The following RETREG1 variants were observed in gnomAD, a reference collection of about 807,000 sequenced individuals.
The protein encoded by RETREG1 is reticulophagy regulator 1.
A neutral mutation model predicts 54.8 loss-of-function variants in RETREG1; 44 were observed. The ratio of observed to expected loss-of-function variants is 0.80; its 90% confidence interval spans 0.63 to 1.03. RETREG1 has a LOEUF of 1.03. RETREG1 is among the 50% of genes least tolerant of loss of function. RETREG1 has a pLI of 0.00. For synonymous variants in RETREG1, 217 were observed against 238.5 expected, an observed-to-expected ratio of 0.91 and a Z score of 0.83; for missense variants, 554 against 605.1, an observed-to-expected ratio of 0.92 and a Z score of 0.89.
At chr5:16,514,896 C>T (rs937943542) in intron 3 of RETREG1, among the ~76,000 whole-genome samples, 4 of 82,906 alleles carry the variant, frequency 4.8e-5, no homozygotes, top group Non-Finnish European at 8.0e-5. Context: ...TATTCCATGG[C>T]ATGCATATAT....
intron 3 of RETREG1, among the ~76,000 whole-genome samples, chr5:16,514,850 A>G (rs1740294547): frequency 1.3e-5 from 2 of 150,854 alleles, no homozygotes; most frequent in African/African-American, 4.9e-5. Context: ...GGTTGCTGCG[A>G]ATGCCATTAT....
intron 4 of RETREG1, among the ~76,000 whole-genome samples, chr5:16,482,430 C>A (rs1738816420): frequency 1.3e-5 from 2 of 149,762 alleles, no homozygotes; most frequent in African/African-American, 2.5e-5. Flanking sequence ...CATCATGCCC[C>A]AAATATAGGT....
chr5:16,510,715 G>A (rs753509207), intron 3 of RETREG1, among the ~76,000 whole-genome samples: 3 of 151,338 alleles, frequency 2.0e-5, no homozygotes, highest in Non-Finnish European at 4.4e-5. Context: ...ACTTGAGCCT[G>A]GGAGGCGGAG....
chr5:16,546,795 A>G (rs1343592454), intron 3 of RETREG1, among the ~76,000 whole-genome samples: 1 of 152,144 alleles, frequency 6.6e-6, no homozygotes, highest in Non-Finnish European at 1.5e-5. Flanking sequence ...ATCACCATGG[A>G]CTTGTTCCCT....
chr5:16,518,014 T>G (rs1029731140), intron 3 of RETREG1, among the ~76,000 whole-genome samples: 1 of 150,996 alleles, frequency 6.6e-6, no homozygotes, highest in African/African-American at 2.4e-5. Flanking sequence ...AGAGAAAGAA[T>G]AGAAATCAAA....
At chr5:16,589,905 AC>A (rs1257487254) in intron 1 of RETREG1, among the ~76,000 whole-genome samples, 10 of 152,170 alleles carry the variant, frequency 6.6e-5, no homozygotes, top group African/African-American at 2.4e-4. Context: ...AAGGCCAGAG[AC>A]TGTATTGTGT....
Position 16,542,407 on chromosome 5 carries a change from C to T in RETREG1, c.458+23356G>A, listed in dbSNP as rs569134896. 9.2e-5 allele frequency among the ~76,000 whole-genome samples: 14 copies of T among 152,330 alleles called. No homozygotes were observed. In the South Asian group the frequency reaches 2.1e-3, roughly 23 times the overall value. On this transcript the variant is annotated intron_variant, in intron 3 of 8. Coordinates refer to ENST00000306320, the MANE Select transcript of RETREG1 (RefSeq NM_001034850.3). Reference sequence around the variant, plus strand: ...AGCAGGTGACAGGGCTTTTGAAAAACGGAAGACAGTCATAGACTGTCAATA... The same window carrying T: ...AGCAGGTGACAGGGCTTTTGAAAAATGGAAGACAGTCATAGACTGTCAATA...
intron 3 of RETREG1, among the ~76,000 whole-genome samples, chr5:16,564,795 C>A (rs1344520506): frequency 1.3e-5 from 2 of 152,182 alleles, no homozygotes; most frequent in Non-Finnish European, 2.9e-5. Flanking sequence ...AATGAAGGAA[C>A]AAGCAAGCAG....
At chr5:16,500,217 C>T (rs537839622) in intron 3 of RETREG1, among the ~76,000 whole-genome samples, 3 of 152,238 alleles carry the variant, frequency 2.0e-5, no homozygotes, top group Non-Finnish European at 4.4e-5. Flanking sequence ...ATTCCCTACA[C>T]CACCGTTGCC....
chr5:16,573,735 G>T lies in RETREG1; in HGVS notation c.321-1633C>A, dbSNP rs796277641. On this transcript the variant is annotated intron_variant, in intron 1 of 8. Transcript: ENST00000306320. ...TTTAATTGGTTTTTTGGGTTTGTTT[G>T]TTTTTTGTTTTTTTTTTTTTTTTTT... Among the ~76,000 whole-genome samples, 417 of 122,132 alleles carry T rather than the reference G, an allele frequency of 3.4e-3. 1 individual carries two copies. Among genetic ancestry groups the T allele is most frequent in the Non-Finnish European group, 5.7e-3 (330 of 58,244 alleles). 80.1% of individuals were successfully genotyped at this position (122,132 alleles called of 152,430 possible). A position where few individuals can be genotyped will look rare whatever the true frequency, so the allele number is the denominator to read the frequency against.
chr5:16,483,195 T>C, intron 4 of RETREG1, 151 bp downstream of exon 4: 1 of 858,726 alleles, frequency 1.2e-6, no homozygotes, highest in South Asian at 1.5e-5. Flanking sequence ...CTCACACATC[T>C]GAACCTTGCT....
At chr5:16,542,156 G>A (rs928498579) in intron 3 of RETREG1, among the ~76,000 whole-genome samples, 6 of 152,230 alleles carry the variant, frequency 3.9e-5, no homozygotes, top group African/African-American at 1.4e-4. Context: ...AACAGCCACT[G>A]TAAATACACC....
Position 16,475,078 on chromosome 5 carries a change from G to C in RETREG1, c.1157C>G (p.Pro386Arg), listed in dbSNP as rs1450692898. Residue 386 changes from proline (P) to arginine (R), a missense_variant, in exon 9 of 9, where the codon CCA (proline) becomes CGA (arginine). By Grantham distance (103) the Pro-to-Arg change is moderately radical. Transcript: ENST00000306320. The stretch of plus-strand genomic sequence containing the variant: ...AGCTGCTGATTGCGTCTCTTTGCTT[G>C]GTCTGTGACCACTGTCCAACTGTTC... ...KKEQLDSGHRPSKETQSAAGL... is the reference protein window; with the variant it reads ...KKEQLDSGHRRSKETQSAAGL... 1.9e-6 allele frequency: 3 copies of C among 1,613,896 alleles called. No individual in the cohort carries two copies.
At chr5:16,486,460 G>A (rs980493326) in intron 3 of RETREG1, among the ~76,000 whole-genome samples, 1 of 152,232 alleles carries the variant, frequency 6.6e-6, no homozygotes, top group African/African-American at 2.4e-5. Context: ...TGTCACCACA[G>A]TTCAATTTAG....
intron 1 of RETREG1, among the ~76,000 whole-genome samples, chr5:16,598,181 C>T (rs1742956030): frequency 1.3e-5 from 2 of 152,192 alleles, no homozygotes; most frequent in South Asian, 4.1e-4. Flanking sequence ...TTCCCCTGCA[C>T]ACCCCAGCAA....
chr5:16,485,331 T>A (rs935028829), intron 3 of RETREG1, among the ~76,000 whole-genome samples: 4 of 152,110 alleles, frequency 2.6e-5, no homozygotes, highest in African/African-American at 9.7e-5. Context: ...TGAAAAGCTA[T>A]AATGGAAGGA....
At chr5:16,570,808 A>T (rs1206523496) in intron 2 of RETREG1, among the ~76,000 whole-genome samples, 1 of 152,160 alleles carries the variant, frequency 6.6e-6, no homozygotes, top group Non-Finnish European at 1.5e-5. Context: ...GTTTGGGCTG[A>T]AATTGGGGAG....
At chr5:16,614,524 G>A (rs144557020) in intron 1 of RETREG1, among the ~76,000 whole-genome samples, 7 of 152,194 alleles carry the variant, frequency 4.6e-5, no homozygotes, top group East Asian at 3.9e-4. Flanking sequence ...AATATTCTTC[G>A]CAAGAGTGTG....
chr5:16,478,218 C>A, intron 6 of RETREG1, 120 bp from the exon 7 acceptor site: 1 of 673,320 alleles, frequency 1.5e-6, no homozygotes, highest in Non-Finnish European at 2.7e-6. Flanking sequence ...ATATATATTT[C>A]TCATATTCTT....
Sources: gnomAD v4.1 joint callset for allele counts (sites outside exome capture counted in the v4.1 genomes callset) on GRCh38, gnomAD v4.1.1 for gene constraint, MANE v1.5 for transcripts, NCBI Gene and HGNC (gene_info 2026-07-23, HGNC 2026-07-21) for gene names.